LARP1: variants seen among roughly 807,000 people sequenced by gnomAD.
LARP1 encodes the protein La ribonucleoprotein 1, translational regulator.
In LARP1, 36 loss-of-function variants were observed where a neutral mutation model predicts 122.7. That is an observed-to-expected ratio of 0.29 (90% CI 0.22 to 0.39). The LOEUF is 0.39. Among genes scored for constraint, LARP1 ranks in the 10% least tolerant of loss-of-function variants. The pLI is 1.00. For synonymous variants in LARP1, 539 were observed against 528.7 expected (o/e 1.02, Z -0.27); for missense variants, 1,040 against 1,403.6 (o/e 0.74, Z 4.14).
chr5:154,805,838 G>A, intron 14 of LARP1, 43 bp from the exon 15 acceptor site: 1 of 1,596,652 alleles, frequency 6.3e-7, no homozygotes, highest in Non-Finnish European at 8.5e-7. Flanking sequence ...TGGTGGGGCT[G>A]CTGTGGGGAA....
In LARP1 at chr5:154,736,536, T is replaced by TTTTTTTTA. The variant is rs552562542; in HGVS notation, c.205+23409_205+23410insTTTTATTT. ...TTGAGCCACACCCTGCCTGGCCTAT[T>TTTTTTTTA]TTTATTTATTTATTTATTTATTTAT... On this transcript the variant is annotated intron_variant, in intron 1 of 18. Coordinates refer to the LARP1 transcript ENST00000336314. Among the ~76,000 whole-genome samples, 215 of 133,202 alleles carry TTTTTTTTA rather than the reference T, an allele frequency of 1.6e-3. 2 individuals carry two copies. The highest frequency in any genetic ancestry group is 3.6e-3 in the African/African-American group (127 of 34,944). 87.4% of individuals were successfully genotyped at this position (133,202 alleles called of 152,430 possible). A position where few individuals can be genotyped will look rare whatever the true frequency, so the allele number is the denominator to read the frequency against.
chr5:154,737,861 C>T (rs913563938), intron 1 of LARP1, among the ~76,000 whole-genome samples: 37 of 152,086 alleles, frequency 2.4e-4, no homozygotes, highest in Non-Finnish European at 5.0e-4. Context: ...AGCTTTCCAG[C>T]TCTGCTCTAA....
At chr5:154,710,136 C>T (rs1755144454), upstream of LARP1, among the ~76,000 whole-genome samples, 1 of 152,200 alleles carries the variant, frequency 6.6e-6, no homozygotes, top group East Asian at 1.9e-4. Flanking sequence ...GGTGGCTGCC[C>T]GCCGCTCACC....
chr5:154,792,890 C>A, intron 4 of LARP1, 94 bp downstream of exon 4: 3 of 1,266,934 alleles, frequency 2.4e-6, no homozygotes, highest in Non-Finnish European at 3.3e-6. Context: ...CTTTAGGTGC[C>A]ACCTCTGAAA....
chr5:154,687,472 C>T (rs1364854090), intron 1 of LARP1, among the ~76,000 whole-genome samples: 1 of 152,218 alleles, frequency 6.6e-6, no homozygotes, highest in Non-Finnish European at 1.5e-5. Context: ...AGCTCCGCCT[C>T]CTGGGTTCAC....
chr5:154,755,583 G>A lies in LARP1; in HGVS notation c.-175G>A, dbSNP rs1753790668. On this transcript the variant is annotated 5_prime_UTR_variant, in exon 1 of 19. Coordinates refer to ENST00000518297, the MANE Select transcript of LARP1 (RefSeq NM_033551.3). The stretch of plus-strand genomic sequence containing the variant: ...CCCCGCTAGTGGGCCTCGGATTTAC[G>A]GCGGCTGCATCTAACTGGGAGGGGG... 1 of 987,248 alleles carries A rather than the reference G, an allele frequency of 1.0e-6. No individual in the cohort carries two copies. Among genetic ancestry groups the A allele is most frequent in the Non-Finnish European group, 1.2e-6 (1 of 830,078 alleles). The allele number at this position is 987,248 out of a possible 1,614,324, so 61.2% of individuals were successfully genotyped here.
At chr5:154,734,735 T>C (rs542388996) in intron 1 of LARP1, among the ~76,000 whole-genome samples, 7 of 152,296 alleles carry the variant, frequency 4.6e-5, no homozygotes, top group Middle Eastern at 3.4e-3. Context: ...TCAGTAGCGT[T>C]AAGTATATTC....
rs1023816261 is a variant in LARP1, at chr5:154,802,895, T to C, written c.2110-395T>C. Among the ~76,000 whole-genome samples, 3 of 152,188 alleles carry C rather than the reference T, an allele frequency of 2.0e-5. No individual in the cohort carries two copies. The highest frequency in any genetic ancestry group is 7.2e-5 in the African/African-American group (3 of 41,442). On this transcript the variant is annotated intron_variant, in intron 11 of 18. Coordinates refer to ENST00000518297, the MANE Select transcript of LARP1 (RefSeq NM_033551.3). This position sits in a 1 kb window ranked among gnomAD's most constrained non-coding sequence, Gnocchi z 5.1. Reference sequence around the variant, plus strand: ...GGTAGGTTGTCCTAGGGTGAGCCTTTGTAATAAGTAGCAGTGTGTTTCCTG... The same window carrying C: ...GGTAGGTTGTCCTAGGGTGAGCCTTCGTAATAAGTAGCAGTGTGTTTCCTG...
chr5:154,808,256 A>AG (rs1758955107), intron 15 of LARP1, among the ~76,000 whole-genome samples: 2 of 152,246 alleles, frequency 1.3e-5, no homozygotes, highest in Admixed American at 6.5e-5. Context: ...GGAAAAGTAC[A>AG]GGCCCAGCTC....
chr5:154,698,009 T>C lies in LARP1; in HGVS notation c.-180+14972T>C, dbSNP rs1473496117. ...CCAGGCTAATTTTTTAATTTTCAGT[T>C]GAAATGAGGTTGGGTGGTTTTTTTT... On this transcript the variant is annotated intron_variant, in intron 1 of 18. Coordinates refer to the LARP1 transcript ENST00000687700. Among the ~76,000 whole-genome samples, 6 of 151,920 alleles carry C rather than the reference T, an allele frequency of 3.9e-5. 1 individual carries two copies. Among genetic ancestry groups the C allele is most frequent in the Non-Finnish European group, 5.9e-5 (4 of 67,968 alleles).
In LARP1 at chr5:154,792,711, G is replaced by A. The variant is rs376108311; in HGVS notation, c.654G>A (p.Lys218=). ...AGAAAGGAGAAGGGAGTGATAGTAA[G>A]GAGAGTCCAAAAACCAAATCAGATG... ...EQEKGEGSDS[K]ESPKTKSDES... Residue 218 remains lysine, a synonymous_variant, in exon 4 of 19, where the codon AAG becomes AAA. Transcript: ENST00000518297. The A allele has an allele frequency of 1.1e-5, 17 of 1,614,088 alleles. No individual in the cohort carries two copies. The highest frequency in any genetic ancestry group is 1.6e-4 in the Middle Eastern group (1 of 6,084).
intron 1 of LARP1, among the ~76,000 whole-genome samples, chr5:154,684,079 A>C (rs927355851): frequency 6.6e-6 from 1 of 152,178 alleles, no homozygotes; most frequent in African/African-American, 2.4e-5. Context: ...CAAAGGCAAT[A>C]TGCCACTTTG....
At chr5:154,684,868 C>T (rs1033542527) in intron 1 of LARP1, among the ~76,000 whole-genome samples, 1 of 152,176 alleles carries the variant, frequency 6.6e-6, no homozygotes, top group Non-Finnish European at 1.5e-5. Context: ...CCATTGTGCA[C>T]TCTCTCATGG....
At chr5:154,776,953 A>C (rs1755939822) in intron 1 of LARP1, among the ~76,000 whole-genome samples, 1 of 152,260 alleles carries the variant, frequency 6.6e-6, no homozygotes, top group Non-Finnish European at 1.5e-5. Context: ...AATCTAAAAT[A>C]AATATCAAAA....
intron 1 of LARP1, among the ~76,000 whole-genome samples, chr5:154,723,416 G>C (rs1468442723): frequency 6.6e-6 from 1 of 152,156 alleles, no homozygotes; most frequent in African/African-American, 2.4e-5. Flanking sequence ...CATAAGTTTA[G>C]CCCCACGGGT....
At chr5:154,759,163 A>G (rs1196458823) in intron 1 of LARP1, among the ~76,000 whole-genome samples, 3 of 152,144 alleles carry the variant, frequency 2.0e-5, no homozygotes, top group East Asian at 1.9e-4. Flanking sequence ...TTTGTGTAAT[A>G]GGTATTTATG....
At chr5:154,777,587 C>T (rs548562978) in intron 1 of LARP1, among the ~76,000 whole-genome samples, 1 of 152,138 alleles carries the variant, frequency 6.6e-6, no homozygotes, top group African/African-American at 2.4e-5. Context: ...TCTTCATACC[C>T]CCTGCTTCAC....
chr5:154,779,103 A>G (rs777507637), intron 1 of LARP1, among the ~76,000 whole-genome samples: 31 of 152,212 alleles, frequency 2.0e-4, no homozygotes, highest in Non-Finnish European at 4.6e-4. Context: ...CCATGCATTT[A>G]TGGTACTATT....
At position 154,794,111 on chromosome 5, in the gene LARP1, T is replaced by C; in HGVS notation, c.1081T>C (p.Tyr361His). The change falls in exon 7 of 19, where the codon TAC becomes CAC. Residue 361 changes from tyrosine (Y) to histidine (H), a missense_variant. Around this residue, in one of 8 missense-constraint regions of LARP1, gnomAD observed 178 missense variants for 178.3 expected, o/e 1.00. Coordinates refer to ENST00000518297, the MANE Select transcript of LARP1 (RefSeq NM_033551.3). ...CGTTTCCCCCATAGCCCATTTTGAC[T>C]ACCAGTTTGGCTACCGAAAGTTTGA... ...GRGGTRTHFDYQFGYRKFDGV... is the reference protein window; with the variant it reads ...GRGGTRTHFDHQFGYRKFDGV... 1 of 1,614,196 alleles carries C rather than the reference T, an allele frequency of 6.2e-7. No individual in the cohort carries two copies. Among genetic ancestry groups the C allele is most frequent in the Non-Finnish European group, 8.5e-7 (1 of 1,180,022 alleles).
Sources: gnomAD v4.1 joint callset for allele counts (sites outside exome capture counted in the v4.1 genomes callset) on GRCh38, gnomAD v4.1.1 for gene constraint, gnomAD v4.1.1 regional missense constraint, Gnocchi (gnomAD v3.1) non-coding constraint, MANE v1.5 for transcripts, NCBI Gene and HGNC (gene_info 2026-07-23, HGNC 2026-07-21) for gene names.